CCDC3: variants seen among roughly 807,000 people sequenced by gnomAD.
CCDC3 encodes coiled-coil domain-containing protein 3.
A neutral mutation model predicts 21.4 loss-of-function variants in CCDC3; 24 were observed. The ratio of observed to expected loss-of-function variants is 1.12; its 90% CI spans 0.81 to 1.58. CCDC3 has a LOEUF of 1.58. Ranked by LOEUF, CCDC3 falls within the 40% of genes most tolerant of loss-of-function variation. The pLI is 0.00. For missense variants in CCDC3, 425 were observed against 360.9 expected, an observed-to-expected ratio of 1.18 and a Z score of -1.44; for synonymous variants, 186 against 166.0, an observed-to-expected ratio of 1.12 and a Z score of -0.93.
chr10:13,020,860 A>C (rs1836136449), intron 5 of CCDC3, among the ~76,000 whole-genome samples: 1 of 152,248 alleles, frequency 6.6e-6, no homozygotes, highest in African/African-American at 2.4e-5. Context: ...AAAAAAACTT[A>C]TTAAAGAAAA....
intron 4 of CCDC3, among the ~76,000 whole-genome samples, chr10:13,065,671 A>C (rs1425863491): frequency 6.6e-6 from 1 of 152,190 alleles, no homozygotes; most frequent in Non-Finnish European, 1.5e-5. Flanking sequence ...CCCTCCACAG[A>C]ATAGCTCCTC....
intron 2 of CCDC3, among the ~76,000 whole-genome samples, chr10:12,973,099 G>A (rs1047041027): frequency 5.3e-5 from 8 of 152,280 alleles, no homozygotes; most frequent in South Asian, 4.2e-4. Flanking sequence ...CCCTTACTAC[G>A]TGCCAGGTGC....
intron 2 of CCDC3, among the ~76,000 whole-genome samples, chr10:12,937,700 T>C (rs1834762921): frequency 1.3e-5 from 2 of 152,182 alleles, no homozygotes; most frequent in Non-Finnish European, 2.9e-5. Context: ...AGGGACAGTA[T>C]GTGTGACTCA....
At chr10:12,920,944 G>A (rs112947818) in intron 2 of CCDC3, among the ~76,000 whole-genome samples, 2 of 152,186 alleles carry the variant, frequency 1.3e-5, no homozygotes, top group African/African-American at 4.8e-5. Context: ...CAAACCAGGG[G>A]CTCACAGAGG....
intron 2 of CCDC3, among the ~76,000 whole-genome samples, chr10:12,983,127 AGTGTATATATATATATATAT>A (rs1835528457): frequency 2.1e-5 from 1 of 47,836 alleles, no homozygotes; most frequent in Non-Finnish European, 4.3e-5. Flanking sequence ...TAAATAAAAT[AGTGTATATATATATATATAT>A]ATATATATAT....
intron 2 of CCDC3, 57 bp from the exon 3 acceptor site, chr10:12,898,736 G>A (rs961611078): frequency 2.2e-5 from 35 of 1,577,678 alleles, no homozygotes; most frequent in Admixed American, 1.8e-5. Context: ...CTGCGCTGCG[G>A]CCAGGGGAGT....
At chr10:12,904,095 C>T (rs114640960) in intron 2 of CCDC3, among the ~76,000 whole-genome samples, 1,951 of 152,086 alleles carry the variant, frequency 0.013, 40 homozygotes, top group African/African-American at 0.044. Flanking sequence ...GTACACTTCC[C>T]GTGAGTATTT....
rs547599539 is a variant in CCDC3, at chr10:12,948,982, C to T, written c.549+49356G>A. ...TCCTGACCTCGTGATCCACCCGCCT[C>T]GGCCTCCCAAAGTGCTGGGAGGCAA... On this transcript the variant is annotated intron_variant, in intron 2 of 2. Transcript: ENST00000378825. Among the ~76,000 whole-genome samples, 76 of 152,144 alleles carry T rather than the reference C, an allele frequency of 5.0e-4. 1 individual carries two copies. The East Asian group carries it at 0.014, about 28-fold the overall frequency.
At chr10:12,914,077 A>G (rs1346865646) in intron 2 of CCDC3, among the ~76,000 whole-genome samples, 3 of 152,188 alleles carry the variant, frequency 2.0e-5, no homozygotes, top group East Asian at 3.9e-4. Flanking sequence ...TGCTTTTAGT[A>G]TCAGAGTGAT....
chr10:13,001,000 A>AG, intron 1 of CCDC3, among the ~76,000 whole-genome samples, 197 bp downstream of exon 1: 1 of 152,164 alleles, frequency 6.6e-6, no homozygotes, highest in East Asian at 1.9e-4. Flanking sequence ...CGCCTTAACC[A>AG]GGGGTAGTCA....
chr10:12,960,610 A>G (rs1835166438), intron 2 of CCDC3, among the ~76,000 whole-genome samples: 1 of 152,180 alleles, frequency 6.6e-6, no homozygotes, highest in Non-Finnish European at 1.5e-5. Flanking sequence ...CTTTCCCACC[A>G]CAGTGACAAA....
intron 3 of CCDC3, among the ~76,000 whole-genome samples, chr10:13,096,520 T>C (rs1832630829): frequency 6.6e-6 from 1 of 152,086 alleles, no homozygotes; most frequent in South Asian, 2.1e-4. Flanking sequence ...GGAAACCTAT[T>C]TTCGGGCACC....
chr10:12,982,121 CAAAAAAAAAAAA>C (rs71386135), intron 2 of CCDC3, among the ~76,000 whole-genome samples: 3 of 33,228 alleles, frequency 9.0e-5, no homozygotes, highest in Non-Finnish European at 1.0e-4. Context: ...GACTCTGTCT[CAAAAAAAAAAAA>C]AAAAAAAAAA....
At chr10:13,074,153 A>ATATATATATATATATATTTT (rs1365749317) in intron 3 of CCDC3, 1 of 64,292 alleles carries the variant, frequency 1.6e-5, no homozygotes, top group Admixed American at 1.6e-4. Context: ...ATATATATAT[A>ATATATATATATATATATTTT]TTTTTTTTTT....
At chr10:13,065,956 G>C (rs375103432) in intron 4 of CCDC3, among the ~76,000 whole-genome samples, 1 of 152,196 alleles carries the variant, frequency 6.6e-6, no homozygotes, top group Non-Finnish European at 1.5e-5. Context: ...GAACGAATGA[G>C]TGGGAAGTGA....
rs755641299 is a variant in CCDC3 at position 12,898,606 on chromosome 10, G to T, written c.623C>A (p.Ala208Asp). Residue 208 changes from alanine (A) to aspartate (D), a missense_variant, in exon 3 of 3, where the codon GCC becomes GAC. Transcript: ENST00000378825. The part of the protein sequence containing the change: ...DHVKKLQQKV[A>D]TLEKRNRQLR... ...CTGCCGGTTGCGCTTCTCCAGGGTGGCCACTTTCTGCTGCAGTTTCTTGAC... is the reference window on the plus strand; with the variant it reads ...CTGCCGGTTGCGCTTCTCCAGGGTGTCCACTTTCTGCTGCAGTTTCTTGAC... 1 of 1,614,196 alleles carries T rather than the reference G, an allele frequency of 6.2e-7. No individual in the cohort carries two copies. The highest frequency in any genetic ancestry group is 8.5e-7 in the Non-Finnish European group (1 of 1,180,012).
chr10:13,058,052 C>A, intron 4 of CCDC3: 1 of 748,778 alleles, frequency 1.3e-6, no homozygotes. Context: ...CATTAAGTAG[C>A]ACATGTAATC....
At chr10:13,049,849 G>C (rs2131424371) in exon 5 of CCDC3, 1 of 152,294 alleles carries the variant, frequency 6.6e-6, no homozygotes, top group Non-Finnish European at 1.5e-5. Flanking sequence ...CAGGTGTGGA[G>C]AACAGCTGTA....
At chr10:12,948,976 C>A (rs1834968732) in intron 2 of CCDC3, among the ~76,000 whole-genome samples, 2 of 151,982 alleles carry the variant, frequency 1.3e-5, no homozygotes, top group Admixed American at 6.6e-5. Flanking sequence ...CGTGATCCAC[C>A]CGCCTCGGCC....
Sources: gnomAD v4.1 joint callset for allele counts (sites outside exome capture counted in the v4.1 genomes callset) on GRCh38, gnomAD v4.1.1 for gene constraint, MANE v1.5 for transcripts, NCBI Gene and HGNC (gene_info 2026-07-23, HGNC 2026-07-21) for gene names.